The following SZRD1 variants were observed in gnomAD, a reference collection of about 807,000 sequenced individuals.
The protein encoded by SZRD1 is SUZ RNA-binding domain-containing.
A neutral mutation model predicts 17.6 loss-of-function variants in SZRD1; 7 were observed. The observed-to-expected ratio is 0.40, with a 90% CI of 0.23 to 0.75. The LOEUF (loss-of-function observed/expected upper bound fraction) is 0.75. SZRD1 is among the 30% of genes least tolerant of loss of function. The probability of loss-of-function intolerance (pLI) is 0.38; values close to 1 mark genes in which losing one functional copy is unlikely to be tolerated. For missense variants in SZRD1, 178 were observed against 201.8 expected, an observed-to-expected ratio of 0.88 and a Z score of 0.71; for synonymous variants, 77 against 77.9, an observed-to-expected ratio of 0.99 and a Z score of 0.06.
chr1:16,382,839 A>G (rs1288294091), intron 1 of SZRD1, among the ~76,000 whole-genome samples: 1 of 151,696 alleles, frequency 6.6e-6, no homozygotes, highest in Non-Finnish European at 1.5e-5. Flanking sequence ...GTGTTGTCCA[A>G]CAGAAGGTAC....
chr1:16,383,226 T>C lies in SZRD1; in HGVS notation c.52-8149T>C, dbSNP rs1448263739. The stretch of plus-strand genomic sequence containing the variant: ...TTGCTTGCTTCTTTCCTTTTTTTTT[T>C]CTTTTCTTTCGAGGTGGGGCCCCAC... On this transcript the variant is annotated intron_variant, in intron 1 of 3. Coordinates refer to ENST00000401088, the MANE Select transcript of SZRD1 (RefSeq NM_001114600.3). Among the ~76,000 whole-genome samples the C allele has an allele frequency of 3.3e-5, 5 of 151,782 alleles. 1 individual carries two copies. The highest frequency in any genetic ancestry group is 2.6e-4 in the Admixed American group (4 of 15,224).
In SZRD1 at chr1:16,393,492, G is replaced by A. The variant is rs368471274; in HGVS notation, c.356+10G>A. Reference sequence around the variant, plus strand: ...AACCCATCCTCGACAGGTGAGTGTGGCTGGCAGGGCCGGCCAGTGATGGCT... The same window carrying A: ...AACCCATCCTCGACAGGTGAGTGTGACTGGCAGGGCCGGCCAGTGATGGCT... On this transcript the variant is annotated intron_variant, in intron 3 of 3. Transcript: ENST00000401088. This position sits in a 1 kb window ranked among gnomAD's most constrained non-coding sequence, Gnocchi z 5.6. 5.8e-5 allele frequency: 93 copies of A among 1,600,864 alleles called. No individual in the cohort carries two copies. In the African/African-American group the frequency reaches 1.1e-3, roughly 18 times the overall value.
chr1:16,379,500 C>T (rs940093497), intron 1 of SZRD1, among the ~76,000 whole-genome samples: 4 of 152,218 alleles, frequency 2.6e-5, no homozygotes, highest in African/African-American at 9.6e-5. Context: ...CTGGACGCTC[C>T]ACAGGTTGTA....
chr1:16,374,428 A>T (rs2082964882), intron 1 of SZRD1, among the ~76,000 whole-genome samples: 1 of 152,032 alleles, frequency 6.6e-6, no homozygotes, highest in East Asian at 1.9e-4. Context: ...CCCTTTTTTC[A>T]TTGGCTGCAT....
chr1:16,371,708 G>A (rs1003990186), intron 1 of SZRD1, among the ~76,000 whole-genome samples: 8 of 151,742 alleles, frequency 5.3e-5, no homozygotes, highest in African/African-American at 9.7e-5. Flanking sequence ...TGATCCGCCC[G>A]CCTCGGCCTC....
At position 16,391,350 on chromosome 1, in the gene SZRD1, T is replaced by C. The variant is rs1263361839; in HGVS notation, c.52-25T>C. 6.6e-7 allele frequency: 1 copy of C among 1,512,152 alleles called. No homozygotes were observed. 93.7% of individuals were successfully genotyped at this position (1,512,152 alleles called of 1,614,324 possible). On this transcript the variant is annotated intron_variant, in intron 1 of 3. Coordinates refer to ENST00000401088, the MANE Select transcript of SZRD1 (RefSeq NM_001114600.3). This position sits in a 1 kb window ranked among gnomAD's most constrained non-coding sequence, Gnocchi z 4.3. The stretch of plus-strand genomic sequence containing the variant: ...TTATTTGAGAGAGATTTTTTCCTCT[T>C]TTTATATACATTTTTTTCCTCTAGG...
At chr1:16,375,292 A>G (rs2082981690) in intron 1 of SZRD1, among the ~76,000 whole-genome samples, 1 of 152,026 alleles carries the variant, frequency 6.6e-6, no homozygotes, top group Non-Finnish European at 1.5e-5. Flanking sequence ...AACAAACCCC[A>G]ATAGTCTGTA....
At chr1:16,371,703 C>T (rs541285033) in intron 1 of SZRD1, among the ~76,000 whole-genome samples, 18 of 151,890 alleles carry the variant, frequency 1.2e-4, no homozygotes, top group East Asian at 5.8e-4. Flanking sequence ...CCTCGTGATC[C>T]GCCCGCCTCG....
chr1:16,383,461 TCTC>T (rs1439868773), intron 1 of SZRD1, among the ~76,000 whole-genome samples: 1 of 151,858 alleles, frequency 6.6e-6, no homozygotes, highest in African/African-American at 2.4e-5. Flanking sequence ...TTCAAGCAAT[TCTC>T]CTCTTTCAGC....
intron 1 of SZRD1, among the ~76,000 whole-genome samples, chr1:16,375,656 G>A (rs2082989786): frequency 6.6e-6 from 1 of 152,070 alleles, no homozygotes; most frequent in African/African-American, 2.4e-5. Flanking sequence ...ATTTCAAAAT[G>A]CCCATCACAG....
intron 2 of SZRD1, among the ~76,000 whole-genome samples, chr1:16,392,119 TG>T (rs1259378512): frequency 1.3e-5 from 2 of 152,142 alleles, no homozygotes; most frequent in Non-Finnish European, 2.9e-5. Context: ...CCTGGCTCCC[TG>T]CCTCTTTGAT....
Position 16,380,008 on chromosome 1 carries a change from T to A in SZRD1, c.52-11367T>A, listed in dbSNP as rs12074366. On this transcript the variant is annotated intron_variant, in intron 1 of 3. Coordinates refer to ENST00000401088, the MANE Select transcript of SZRD1 (RefSeq NM_001114600.3). Reference sequence around the variant, plus strand: ...GTTCTTTAATTCGTGTGTTGGGTACTATTTTAGACATTGGACAAATGCAGT... The same window carrying A: ...GTTCTTTAATTCGTGTGTTGGGTACAATTTTAGACATTGGACAAATGCAGT... 9.0e-3 allele frequency among the ~76,000 whole-genome samples: 1,378 copies of A among 152,292 alleles called. 16 individuals are homozygous for A. Among genetic ancestry groups the A allele is most frequent in the African/African-American group, 0.032 (1,323 of 41,576 alleles).
At chr1:16,379,756 T>TG (rs922679427) in intron 1 of SZRD1, among the ~76,000 whole-genome samples, 5 of 134,724 alleles carry the variant, frequency 3.7e-5, no homozygotes, top group East Asian at 5.1e-4. Context: ...CCTGTTGATT[T>TG]GGGGTTTTTT....
chr1:16,370,150 T>G (rs60159367), intron 1 of SZRD1, among the ~76,000 whole-genome samples: 4,082 of 152,068 alleles, frequency 0.027, 183 homozygotes, highest in African/African-American at 0.091. Flanking sequence ...TGGGCTTTTT[T>G]TCTCTAGCAT....
chr1:16,373,097 A>G (rs1004941912), intron 1 of SZRD1, among the ~76,000 whole-genome samples: 2 of 152,096 alleles, frequency 1.3e-5, no homozygotes, highest in African/African-American at 2.4e-5. Flanking sequence ...TTCTGGCTGA[A>G]GGGGAGAGGG....
intron 1 of SZRD1, among the ~76,000 whole-genome samples, chr1:16,380,446 G>C (rs530965102): frequency 6.6e-6 from 1 of 152,008 alleles, no homozygotes; most frequent in African/African-American, 2.4e-5. Flanking sequence ...GGAATTACAA[G>C]CATGTGCCAC....
At chr1:16,371,015 T>TG (rs1344276949) in intron 1 of SZRD1, among the ~76,000 whole-genome samples, 1 of 152,190 alleles carries the variant, frequency 6.6e-6, no homozygotes, top group African/African-American at 2.4e-5. Flanking sequence ...TGGCTTCAGG[T>TG]TATCCCCTCT....
chr1:16,371,526 A>G (rs2082914285), intron 1 of SZRD1, among the ~76,000 whole-genome samples: 1 of 148,114 alleles, frequency 6.8e-6, no homozygotes, highest in African/African-American at 2.5e-5. Flanking sequence ...CAGTGGCGCA[A>G]TCTCGGCTCA....
intron 1 of SZRD1, chr1:16,367,851 GT>G (rs1004445223): frequency 8.6e-4 from 132 of 152,796 alleles, no homozygotes; most frequent in African/African-American, 3.1e-3. Flanking sequence ...GACGAGTCGG[GT>G]TTTTTTTCTC....
Sources: gnomAD v4.1 joint callset for allele counts (sites outside exome capture counted in the v4.1 genomes callset) on GRCh38, gnomAD v4.1.1 for gene constraint, Gnocchi (gnomAD v3.1) non-coding constraint, MANE v1.5 for transcripts, NCBI Gene and HGNC (gene_info 2026-07-23, HGNC 2026-07-21) for gene names.